FRMPD4: variants seen among roughly 807,000 people sequenced by gnomAD.
FRMPD4 encodes FERM and PDZ domain-containing protein 4.
Under a neutral mutation model 94.1 loss-of-function variants are expected in FRMPD4, and 22 were observed. The ratio of observed to expected loss-of-function variants is 0.23; its 90% confidence interval spans 0.17 to 0.33. The LOEUF is 0.33. Ranked by LOEUF, FRMPD4 falls within the 10% of genes least tolerant of loss-of-function variation. The pLI, the probability that FRMPD4 is intolerant of heterozygous loss-of-function variation, is 1.00. For synonymous variants in FRMPD4, 631 were observed against 548.6 expected (o/e 1.15, Z -2.10); for missense variants, 1,111 against 1,339.9 (o/e 0.83, Z 2.67).
intron 3 of FRMPD4, among the ~76,000 whole-genome samples, chrX:12,031,992 G>A (rs138809788): frequency 2.7e-5 from 3 of 111,802 alleles, no homozygotes; most frequent in African/African-American, 9.7e-5. Flanking sequence ...AGGCATGGGA[G>A]AATTCTGGAG....
intron 3 of FRMPD4, among the ~76,000 whole-genome samples, chrX:11,973,913 G>T (rs898688401): frequency 1.8e-5 from 2 of 111,597 alleles, no homozygotes; most frequent in Non-Finnish European, 3.8e-5. Flanking sequence ...TGCACCCAGG[G>T]ATGAGATGGA....
chrX:11,952,198 A>G (rs764694441), intron 3 of FRMPD4, among the ~76,000 whole-genome samples: 1 of 112,313 alleles, frequency 8.9e-6, no homozygotes, highest in Non-Finnish European at 1.9e-5. Context: ...TCATGAATAT[A>G]ATAGCCAGTG....
rs888793473 is a variant in FRMPD4 at position 12,716,883 on chromosome X, C to T, written c.2424C>T (p.Ala808=). The T allele has an allele frequency of 3.3e-6, 4 of 1,211,032 alleles. No homozygotes were observed. The highest frequency in any genetic ancestry group is 4.5e-6 in the Non-Finnish European group (4 of 894,814). ...FLLRSLNMAI[A]APPPGFRDSS... is the part of the protein sequence containing the mutation. ...TGCGTTCCTTGAACATGGCCATTGC[C>T]GCACCCCCACCTGGCTTTAGAGACA... Residue 808 remains alanine (A), a synonymous_variant, in exon 15 of 17, where the codon GCC becomes GCT. Transcript: ENST00000675598.
chrX:11,859,269 G>T (rs1418017486), intron 1 of FRMPD4, among the ~76,000 whole-genome samples: 1 of 112,056 alleles, frequency 8.9e-6, no homozygotes, highest in Non-Finnish European at 1.9e-5. Flanking sequence ...ATAAAGGTGA[G>T]ATAATAGCTA....
chrX:12,414,791 A>G (rs2056777832), intron 1 of FRMPD4, among the ~76,000 whole-genome samples: 1 of 111,925 alleles, frequency 8.9e-6, no homozygotes, highest in African/African-American at 3.3e-5. Context: ...ACATATCACT[A>G]CATCTTTCCC....
intron 2 of FRMPD4, among the ~76,000 whole-genome samples, chrX:11,869,654 T>C (rs1319479197): frequency 9.0e-6 from 1 of 111,521 alleles, no homozygotes; most frequent in African/African-American, 3.3e-5. Context: ...AAAATCACGG[T>C]TGAATTTCTT....
intron 1 of FRMPD4, among the ~76,000 whole-genome samples, chrX:12,458,742 C>T (rs935030404): frequency 3.6e-5 from 4 of 111,569 alleles, no homozygotes; most frequent in African/African-American, 6.5e-5. Flanking sequence ...ACAGTCTCCA[C>T]GACTTTGGTC....
At chrX:12,503,243 G>A (rs553921449) in intron 2 of FRMPD4, among the ~76,000 whole-genome samples, 3 of 111,718 alleles carry the variant, frequency 2.7e-5, no homozygotes, top group East Asian at 2.8e-4. Flanking sequence ...GGTCAGTTCC[G>A]AAGCACATGG....
intron 1 of FRMPD4, among the ~76,000 whole-genome samples, chrX:12,446,283 T>A (rs1383558145): frequency 1.8e-5 from 2 of 112,517 alleles, no homozygotes; most frequent in East Asian, 5.5e-4. Flanking sequence ...ACACTGATGC[T>A]TGCTATTTTA....
At chrX:12,382,530 G>GCATAGCATAGAGCAT (rs60602906) in intron 1 of FRMPD4, among the ~76,000 whole-genome samples, 16 of 45,571 alleles carry the variant, frequency 3.5e-4, no homozygotes, top group African/African-American at 1.3e-3. Flanking sequence ...GCATAGCATA[G>GCATAGCATAGAGCAT]AGCATAGCAT....
intron 1 of FRMPD4, among the ~76,000 whole-genome samples, chrX:12,416,790 C>T (rs2056806813): frequency 9.0e-6 from 1 of 111,478 alleles, no homozygotes; most frequent in African/African-American, 3.3e-5. Context: ...AAAATGCTTC[C>T]TCTGTGTCTT....
chrX:11,855,472 T>C (rs192822228), intron 1 of FRMPD4, among the ~76,000 whole-genome samples: 63 of 112,521 alleles, frequency 5.6e-4, no homozygotes, highest in African/African-American at 1.9e-3. Context: ...TTTTCCAAAC[T>C]TTTATGCTCT....
At chrX:12,283,307 C>G (rs2054553206) in intron 1 of FRMPD4, among the ~76,000 whole-genome samples, 1 of 112,988 alleles carries the variant, frequency 8.9e-6, no homozygotes, top group Admixed American at 9.3e-5. Flanking sequence ...CAATTAGTTA[C>G]ATTGTTATTT....
At chrX:12,587,444 T>C (rs1316462864) in intron 2 of FRMPD4, among the ~76,000 whole-genome samples, 4 of 111,335 alleles carry the variant, frequency 3.6e-5, no homozygotes, top group Non-Finnish European at 7.5e-5. Context: ...CCCATCCCCC[T>C]TCTCCCCACC....
intron 1 of FRMPD4, among the ~76,000 whole-genome samples, chrX:12,494,593 G>C (rs912951603): frequency 1.8e-5 from 2 of 111,301 alleles, no homozygotes; most frequent in Middle Eastern, 4.2e-3. Flanking sequence ...TACCAAAGAG[G>C]CCTCCAGGTG....
At chrX:12,296,785 T>C (rs2054779251) in intron 1 of FRMPD4, among the ~76,000 whole-genome samples, 1 of 112,194 alleles carries the variant, frequency 8.9e-6, no homozygotes, top group East Asian at 2.8e-4. Flanking sequence ...AAAACCCTAA[T>C]GAGGTATAGT....
intron 1 of FRMPD4, among the ~76,000 whole-genome samples, chrX:12,332,792 A>G (rs1319367478): frequency 8.9e-6 from 1 of 112,172 alleles, no homozygotes; most frequent in African/African-American, 3.2e-5. Context: ...AATAAAAGCC[A>G]CTAATAACCC....
chrX:12,498,835 C>T (rs1348667826), intron 2 of FRMPD4, 39 bp downstream of exon 2: 6 of 710,302 alleles, frequency 8.4e-6, no homozygotes, highest in Non-Finnish European at 4.3e-6. Context: ...GAATCCTTGG[C>T]CAATGGACTT....
intron 3 of FRMPD4, among the ~76,000 whole-genome samples, chrX:12,097,608 TTC>T (rs1382504357): frequency 8.9e-6 from 1 of 112,300 alleles, no homozygotes; most frequent in East Asian, 2.8e-4. Context: ...CTAATCTACT[TTC>T]TGTCTCTATA....
Sources: allele counts gnomAD v4.1 joint callset (sites outside exome capture counted in the v4.1 genomes callset), GRCh38; gene constraint gnomAD v4.1.1; transcripts MANE v1.5; gene names NCBI Gene and HGNC (gene_info 2026-07-23, HGNC 2026-07-21).